Variants in CMC2 observed in about 807,000 individuals in gnomAD.
CMC2 encodes C-X9-C motif containing 2, also known as COX assembly mitochondrial protein 2 homolog.
Under a neutral mutation model 7.5 loss-of-function variants are expected in CMC2, and 5 were observed. The ratio of observed to expected loss-of-function variants is 0.66; its 90% confidence interval spans 0.35 to 1.40. The LOEUF is 1.40. Ranked by LOEUF, CMC2 falls within the 40% of genes most tolerant of loss-of-function variation. The pLI is 0.04. For missense variants in CMC2, 115 were observed against 92.3 expected, an observed-to-expected ratio of 1.25 and a Z score of -1.01; for synonymous variants, 37 against 31.4, an observed-to-expected ratio of 1.18 and a Z score of -0.60.
rs896810266 is a variant in CMC2, at chr16:80,970,929, A to G, written c.*5164T>C. The stretch of plus-strand genomic sequence containing the variant: ...GTATAAGAACACTATTTTAAAAATC[A>G]TAAAATTTTCCAGCCTGGACATGGT... On this transcript the variant is annotated 3_prime_UTR_variant, in exon 4 of 4. Coordinates refer to ENST00000219400, the MANE Select transcript of CMC2 (RefSeq NM_020188.5). 2.0e-5 allele frequency: 3 copies of G among 152,190 alleles called. No individual in the cohort carries two copies. The highest frequency in any genetic ancestry group is 2.9e-5 in the Non-Finnish European group (2 of 68,032). 9.4% of individuals were successfully genotyped at this position (152,190 alleles called of 1,614,324 possible).
At chr16:80,995,641 A>T (rs1315309428) in intron 2 of CMC2, among the ~76,000 whole-genome samples, 2 of 152,246 alleles carry the variant, frequency 1.3e-5, no homozygotes, top group East Asian at 3.8e-4. Context: ...TGGGTGACAG[A>T]GTGAGACTCC....
In CMC2 at chr16:80,972,506, T is replaced by C. The variant is rs950686651; in HGVS notation, c.*3587A>G. On this transcript the variant is annotated 3_prime_UTR_variant, in exon 4 of 4. Transcript: ENST00000219400. ...GCTAAAAACTCCATGGAGATTAATC[T>C]GATCTTAAACTTCATTTATAAAAGG... is the stretch of plus-strand genomic sequence containing the variant. The C allele has an allele frequency of 4.6e-5, 7 of 152,346 alleles. No homozygotes were observed. Among genetic ancestry groups the C allele is most frequent in the African/African-American group, 1.2e-4 (5 of 41,582 alleles). 9.4% of individuals were successfully genotyped at this position (152,346 alleles called of 1,614,324 possible).
chr16:80,968,855 T>G lies in CMC2; in HGVS notation c.*7238A>C, dbSNP rs1911728063. 1 of 152,160 alleles carries G rather than the reference T, an allele frequency of 6.6e-6. No individual in the cohort carries two copies. Among genetic ancestry groups the G allele is most frequent in the Non-Finnish European group, 1.5e-5 (1 of 68,018 alleles). 9.4% of individuals were successfully genotyped at this position (152,160 alleles called of 1,614,324 possible). Reference sequence around the variant, plus strand: ...TAGACCAGTTCCAGGTACCAGGAAGTGAGGTTTTCATAAACACAATGGAAA... The same window carrying G: ...TAGACCAGTTCCAGGTACCAGGAAGGGAGGTTTTCATAAACACAATGGAAA... On this transcript the variant is annotated 3_prime_UTR_variant, in exon 4 of 4. Transcript: ENST00000219400.
At chr16:80,979,064 G>C (rs746852575) in intron 3 of CMC2, among the ~76,000 whole-genome samples, 30 of 151,418 alleles carry the variant, frequency 2.0e-4, no homozygotes, top group Non-Finnish European at 3.4e-4. Flanking sequence ...CTGGGTGACA[G>C]AGTGAGACTC....
chr16:80,975,937 A>G lies in CMC2; in HGVS notation c.*156T>C. ...TAAACGCCCTGCCCAACAAATACTC[A>G]GAATCCAGGGTTTTCATATTTCTCC... On this transcript the variant is annotated 3_prime_UTR_variant, in exon 4 of 4. Transcript: ENST00000219400. 1.7e-6 allele frequency: 1 copy of G among 602,722 alleles called. No individual in the cohort carries two copies. Among genetic ancestry groups the G allele is most frequent in the East Asian group, 2.9e-5 (1 of 34,760 alleles). The allele number at this position is 602,722 out of a possible 1,614,324, so 37.3% of individuals were successfully genotyped here.
In CMC2 at chr16:80,971,134, CA is replaced by C. The variant is rs1911883125; in HGVS notation, c.*4958del. Reference sequence around the variant, plus strand: ...TGGGTGACAGGGTGAGACTCTGTCTCAAAAAACAACAACAAAAATACAAATC... The same window carrying C: ...TGGGTGACAGGGTGAGACTCTGTCTCAAAAACAACAACAAAAATACAAATC... On this transcript the variant is annotated 3_prime_UTR_variant, in exon 4 of 4. Transcript: ENST00000219400. 1 of 151,998 alleles carries C rather than the reference CA, an allele frequency of 6.6e-6. No homozygotes were observed. Among genetic ancestry groups the C allele is most frequent in the South Asian group, 2.1e-4 (1 of 4,822 alleles). The allele number at this position is 151,998 out of a possible 1,614,324, so 9.4% of individuals were successfully genotyped here. A position where few individuals can be genotyped will look rare whatever the true frequency, so the allele number is the denominator to read the frequency against.
chr16:80,979,029 T>C (rs1276779414), intron 3 of CMC2, among the ~76,000 whole-genome samples: 2 of 151,380 alleles, frequency 1.3e-5, no homozygotes, highest in Non-Finnish European at 2.9e-5. Context: ...TGCAGTGGGC[T>C]GAGATTGCGC....
intron 2 of CMC2, chr16:80,991,958 C>T (rs913684115): frequency 4.4e-6 from 2 of 455,362 alleles, no homozygotes; most frequent in Non-Finnish European, 8.8e-6. Flanking sequence ...GGACGGAATC[C>T]TGTAACAGAG....
At chr16:81,004,685 A>G (rs1332552039) in intron 1 of CMC2, among the ~76,000 whole-genome samples, 1 of 152,200 alleles carries the variant, frequency 6.6e-6, no homozygotes, top group Non-Finnish European at 1.5e-5. Flanking sequence ...GTAAGCTGGG[A>G]GGGTAGAAGC....
Position 80,975,727 on chromosome 16 carries a change from G to C in CMC2, c.*366C>G, listed in dbSNP as rs923071974. On this transcript the variant is annotated 3_prime_UTR_variant, in exon 4 of 4. Coordinates refer to ENST00000219400, the MANE Select transcript of CMC2 (RefSeq NM_020188.5). ...TTTCCCCAGAATTCTTCAACATCATGTTGTCAAAAAGAAAAAGCCTAATGG... is the reference window on the plus strand; with the variant it reads ...TTTCCCCAGAATTCTTCAACATCATCTTGTCAAAAAGAAAAAGCCTAATGG... 13 of 160,856 alleles carry C rather than the reference G, an allele frequency of 8.1e-5. No individual in the cohort carries two copies. Among genetic ancestry groups the C allele is most frequent in the African/African-American group, 3.1e-4 (13 of 41,624 alleles). 10.0% of individuals were successfully genotyped at this position (160,856 alleles called of 1,614,324 possible).
At chr16:80,986,210 A>G (rs1430861284) in intron 2 of CMC2, among the ~76,000 whole-genome samples, 2 of 152,212 alleles carry the variant, frequency 1.3e-5, no homozygotes, top group East Asian at 3.9e-4. Flanking sequence ...TTAGCCAGGC[A>G]TAATGGCCTG....
At position 81,006,828 on chromosome 16, in the gene CMC2, G is replaced by T. The variant is rs554174745; in HGVS notation, c.-130C>A. ...CTGCTAGGGAGCAGACAGCTGAACC[G>T]CTTGCCAGACGCCGAAACCCAGTGA... On this transcript the variant is annotated 5_prime_UTR_variant, in exon 1 of 4. Transcript: ENST00000219400. 27 of 985,448 alleles carry T rather than the reference G, an allele frequency of 2.7e-5. No individual in the cohort carries two copies. Among genetic ancestry groups the T allele is most frequent in the Non-Finnish European group, 2.9e-5 (24 of 830,062 alleles). 61.0% of individuals were successfully genotyped at this position (985,448 alleles called of 1,614,324 possible). A position where few individuals can be genotyped will look rare whatever the true frequency, so the allele number is the denominator to read the frequency against.
At chr16:80,988,414 T>A in intron 2 of CMC2, 1 of 612,934 alleles carries the variant, frequency 1.6e-6, no homozygotes, top group Non-Finnish European at 2.9e-6. Context: ...AAGTATTTCT[T>A]GATGACAGCA....
chr16:80,974,798 T>G lies in CMC2; in HGVS notation c.*1295A>C, dbSNP rs1912161261. 1 of 152,248 alleles carries G rather than the reference T, an allele frequency of 6.6e-6. No homozygotes were observed. The highest frequency in any genetic ancestry group is 6.5e-5 in the Admixed American group (1 of 15,284). The allele number at this position is 152,248 out of a possible 1,614,324, so 9.4% of individuals were successfully genotyped here. On this transcript the variant is annotated 3_prime_UTR_variant, in exon 4 of 4. Coordinates refer to ENST00000219400, the MANE Select transcript of CMC2 (RefSeq NM_020188.5). ...GACACTAGGGGGACTGAATAAATAT[T>G]CATACACTTTGTCTTGGAAGGTACT... is the stretch of plus-strand genomic sequence containing the variant.
intron 3 of CMC2, chr16:80,980,736 G>A: frequency 1.5e-6 from 1 of 661,786 alleles, no homozygotes. Context: ...ACAAAAAAAT[G>A]TGTAAAACCT....
Position 80,966,739 on chromosome 16 carries a change from G to C in CMC2, c.*9354C>G, listed in dbSNP as rs965561632. The C allele has an allele frequency of 7.2e-5, 11 of 152,082 alleles. No individual in the cohort carries two copies. Among genetic ancestry groups the C allele is most frequent in the African/African-American group, 2.7e-4 (11 of 41,412 alleles). The allele number at this position is 152,082 out of a possible 1,614,324, so 9.4% of individuals were successfully genotyped here. A position where few individuals can be genotyped will look rare whatever the true frequency, so the allele number is the denominator to read the frequency against. On this transcript the variant is annotated 3_prime_UTR_variant, in exon 4 of 4. Transcript: ENST00000219400. ...CTTTCTGTGGTTATAAAATCAACTTGACATGTACTCGAGTTATTTGTTTCA... is the reference window on the plus strand; with the variant it reads ...CTTTCTGTGGTTATAAAATCAACTTCACATGTACTCGAGTTATTTGTTTCA...
intron 2 of CMC2, among the ~76,000 whole-genome samples, chr16:80,987,317 C>A (rs988654652): frequency 6.6e-6 from 1 of 152,058 alleles, no homozygotes; most frequent in Non-Finnish European, 1.5e-5. Flanking sequence ...AGGGAAAATA[C>A]AAAAATTTTT....
rs1236697746 is a variant in CMC2, at chr16:80,968,120, T to A, written c.*7973A>T. The A allele has an allele frequency of 2.6e-5, 4 of 152,028 alleles. No homozygotes were observed. The highest frequency in any genetic ancestry group is 2.9e-5 in the Non-Finnish European group (2 of 68,006). 9.4% of individuals were successfully genotyped at this position (152,028 alleles called of 1,614,324 possible). On this transcript the variant is annotated 3_prime_UTR_variant, in exon 4 of 4. Coordinates refer to ENST00000219400, the MANE Select transcript of CMC2 (RefSeq NM_020188.5). Reference sequence around the variant, plus strand: ...TGGAAGGCAGTTACATCAGAAAGAGTCTAAGTCAATGCTTCTCCAATTTTT... The same window carrying A: ...TGGAAGGCAGTTACATCAGAAAGAGACTAAGTCAATGCTTCTCCAATTTTT...
At chr16:81,000,346 ATTAGCCGGGTG>A (rs1355295895) in intron 1 of CMC2, among the ~76,000 whole-genome samples, 5 of 152,056 alleles carry the variant, frequency 3.3e-5, no homozygotes, top group Non-Finnish European at 4.4e-5. Context: ...AGATGCAAAA[ATTAGCCGGGTG>A]TGGTGGCGGG....
Sources: gnomAD v4.1 joint callset for allele counts (sites outside exome capture counted in the v4.1 genomes callset) on GRCh38, gnomAD v4.1.1 for gene constraint, MANE v1.5 for transcripts, NCBI Gene and HGNC (gene_info 2026-07-23, HGNC 2026-07-21) for gene names.